Variants in PPP2R3B observed in about 807,000 individuals in gnomAD.
PPP2R3B encodes the protein serine/threonine-protein phosphatase 2A regulatory subunit B'' subunit beta.
PPP2R3B carries 68 observed loss-of-function variants against 72.9 expected under a neutral mutation model. That is an observed-to-expected ratio of 0.93 (90% CI 0.77 to 1.14). PPP2R3B has a LOEUF of 1.14. Ranked by LOEUF, PPP2R3B falls within the 50% of genes most tolerant of loss-of-function variation. The probability of loss-of-function intolerance (pLI) is 0.00; values close to 1 mark genes in which losing one functional copy is unlikely to be tolerated. For missense variants in PPP2R3B, 1,018 were observed against 842.0 expected (o/e 1.21, Z -2.59); for synonymous variants, 466 against 375.8 (o/e 1.24, Z -2.78).
intron 2 of PPP2R3B, among the ~76,000 whole-genome samples, chrX:357,535 C>T (rs1283622517): frequency 6.6e-6 from 1 of 152,028 alleles, no homozygotes; most frequent in Non-Finnish European, 1.5e-5. Context: ...AGAAAGGAAC[C>T]GGAAATAAAT....
At position 344,086 on chromosome X, in the gene PPP2R3B, GACCTCACCA is replaced by G. The variant is rs1472495680; in HGVS notation, c.1036+1421_1036+1429del. On this transcript the variant is annotated intron_variant, in intron 7 of 12. Coordinates refer to ENST00000390665, the MANE Select transcript of PPP2R3B (RefSeq NM_013239.5). ...CGTCGCCAACGGGAGGCGGGAGGGA[GACCTCACCA>G]ACGGGAGGCGGGAGTGAGACCTCAC... Among the ~76,000 whole-genome samples, 107 of 142,290 alleles carry G rather than the reference GACCTCACCA, an allele frequency of 7.5e-4. 28 individuals carry two copies. Among genetic ancestry groups the G allele is most frequent in the Middle Eastern group, 4.0e-3 (1 of 248 alleles). The allele number at this position is 142,290 out of a possible 152,430, so 93.3% of individuals were successfully genotyped here.
chrX:359,841 C>T (rs1380842936), intron 2 of PPP2R3B: 1 of 515,062 alleles, frequency 1.9e-6, no homozygotes, highest in Non-Finnish European at 3.9e-6. Flanking sequence ...GAAACTATTA[C>T]CTCTGGGGTA....
rs750635146 is a variant in PPP2R3B at position 362,751 on chromosome X, C to G, written c.325-1161G>C. On this transcript the variant is annotated intron_variant, in intron 1 of 12. Transcript: ENST00000390665. ...GCCTGGATCAATCCAGGACTGGGTC[C>G]AAGCTCCAGTGTCCACACAGAGAAA... 3.3e-5 allele frequency among the ~76,000 whole-genome samples: 5 copies of G among 152,230 alleles called. No individual in the cohort carries two copies. In the South Asian group the frequency reaches 1.0e-3, roughly 32 times the overall value.
intron 1 of PPP2R3B, among the ~76,000 whole-genome samples, chrX:383,694 C>T (rs1245563388): frequency 2.6e-5 from 4 of 151,368 alleles, no homozygotes; most frequent in African/African-American, 4.8e-5. Flanking sequence ...AAAAATTAGC[C>T]GGGCGTGGTG....
At chrX:344,095 AACGGGAG>A (rs2071139202) in intron 7 of PPP2R3B, among the ~76,000 whole-genome samples, 2 of 139,050 alleles carry the variant, frequency 1.4e-5, no homozygotes, top group Non-Finnish European at 3.1e-5. Context: ...AGACCTCACC[AACGGGAG>A]GCGGGAGTGA....
intron 1 of PPP2R3B, among the ~76,000 whole-genome samples, chrX:381,372 T>G (rs186334681): frequency 9.9e-5 from 15 of 152,260 alleles, no homozygotes; most frequent in African/African-American, 3.6e-4. Flanking sequence ...CCTTTCACCC[T>G]TGGCTGGGGA....
At chrX:371,728 T>G (rs762403349) in intron 1 of PPP2R3B, among the ~76,000 whole-genome samples, 1 of 152,028 alleles carries the variant, frequency 6.6e-6, no homozygotes, top group Admixed American at 6.6e-5. Flanking sequence ...CCTGAGGGTG[T>G]GTCCAAGTGG....
At chrX:371,975 T>C (rs1336224842) in intron 1 of PPP2R3B, among the ~76,000 whole-genome samples, 1 of 152,174 alleles carries the variant, frequency 6.6e-6, no homozygotes, top group East Asian at 1.9e-4. Context: ...TCCCAGAAAC[T>C]GACTTTTTAA....
At chrX:344,002 G>T (rs1351451712) in intron 7 of PPP2R3B, among the ~76,000 whole-genome samples, 2 of 133,328 alleles carry the variant, frequency 1.5e-5, no homozygotes, top group East Asian at 2.4e-4. Flanking sequence ...GAGGCGGGAG[G>T]GAGACGTCGC....
chrX:378,011 T>C (rs1411593642), intron 1 of PPP2R3B, among the ~76,000 whole-genome samples: 1 of 152,042 alleles, frequency 6.6e-6, no homozygotes, highest in Non-Finnish European at 1.5e-5. Flanking sequence ...CACTACTGTG[T>C]ACAGGGACGG....
rs745405281 is a variant in PPP2R3B at position 346,780 on chromosome X, G to C, written c.718-5C>G. 8 of 1,608,248 alleles carry C rather than the reference G, an allele frequency of 5.0e-6. No individual in the cohort carries two copies. The South Asian group carries it at 7.7e-5, about 16-fold the overall frequency. On this transcript the variant is annotated splice_region_variant and splice_polypyrimidine_tract_variant and intron_variant, in intron 4 of 12. Coordinates refer to ENST00000390665, the MANE Select transcript of PPP2R3B (RefSeq NM_013239.5). ...CGGGTGCGTGTTCACCACGTCCTGC[G>C]GGTGGGAAGACACGAGGCGCGTGGT...
chrX:369,205 A>G (rs4906976), intron 1 of PPP2R3B, among the ~76,000 whole-genome samples: 65,178 of 152,050 alleles, frequency 0.43, 14,705 homozygotes, highest in African/African-American at 0.58. Context: ...AAACAGCTGC[A>G]TGTATGTGGA....
intron 1 of PPP2R3B, among the ~76,000 whole-genome samples, chrX:363,511 A>T (rs879518180): frequency 4.1e-4 from 27 of 65,430 alleles, no homozygotes; most frequent in African/African-American, 5.0e-4. Context: ...CATCTCCCCG[A>T]GCCCGCGATC....
rs1271288546 is a variant in PPP2R3B at position 344,216 on chromosome X, A to AG, written c.1036+1299_1036+1300insC. ...TGAGACCTCAGCAACGGGAGGCGGG[A>AG]TTGAGACCTCACCAACGGGAGGCCG... On this transcript the variant is annotated intron_variant, in intron 7 of 12. Transcript: ENST00000390665. 1.0e-4 allele frequency among the ~76,000 whole-genome samples: 10 copies of AG among 95,442 alleles called. 1 individual carries two copies. The highest frequency in any genetic ancestry group is 2.0e-4 in the African/African-American group (6 of 29,590). The allele number at this position is 95,442 out of a possible 152,430, so 62.6% of individuals were successfully genotyped here. A position where few individuals can be genotyped will look rare whatever the true frequency, so the allele number is the denominator to read the frequency against.
chrX:341,068 C>T, intron 9 of PPP2R3B, 128 bp from the exon 10 acceptor site: 2 of 1,342,014 alleles, frequency 1.5e-6, no homozygotes, highest in Non-Finnish European at 1.0e-6. Flanking sequence ...ACCGGGCGTG[C>T]AGGCATCCCC....
At chrX:358,101 C>G (rs934826540) in intron 2 of PPP2R3B, among the ~76,000 whole-genome samples, 6 of 152,226 alleles carry the variant, frequency 3.9e-5, no homozygotes, top group African/African-American at 1.4e-4. Flanking sequence ...ACTCACGCGA[C>G]GGGGAGAACT....
At chrX:378,739 T>C (rs954198119) in intron 1 of PPP2R3B, among the ~76,000 whole-genome samples, 1 of 151,978 alleles carries the variant, frequency 6.6e-6, no homozygotes, top group African/African-American at 2.4e-5. Context: ...TTCTCGGAGG[T>C]TGCAAGAAGG....
intron 7 of PPP2R3B, among the ~76,000 whole-genome samples, chrX:344,690 G>C (rs1281062484): frequency 6.6e-6 from 1 of 152,220 alleles, no homozygotes; most frequent in Non-Finnish European, 1.5e-5. Context: ...TGGCTAGTTA[G>C]GGGCCCAGGG....
chrX:375,103 C>G (rs1442611263), intron 1 of PPP2R3B, among the ~76,000 whole-genome samples: 1 of 152,150 alleles, frequency 6.6e-6, no homozygotes, highest in Non-Finnish European at 1.5e-5. Flanking sequence ...GGGTACGCCC[C>G]TCTCCACTTC....
Sources: gnomAD v4.1 joint callset for allele counts (sites outside exome capture counted in the v4.1 genomes callset) on GRCh38, gnomAD v4.1.1 for gene constraint, MANE v1.5 for transcripts, NCBI Gene and HGNC (gene_info 2026-07-23, HGNC 2026-07-21) for gene names.